The following GRID2 variants were observed in gnomAD, a reference collection of about 807,000 sequenced individuals.
GRID2 encodes glutamate receptor ionotropic, delta-2.
A neutral mutation model predicts 114.8 loss-of-function variants in GRID2; 33 were observed. The ratio of observed to expected loss-of-function variants is 0.29; its 90% CI spans 0.22 to 0.38. The LOEUF (loss-of-function observed/expected upper bound fraction) is 0.38. Among genes scored for constraint, GRID2 ranks in the 10% least tolerant of loss-of-function variants. GRID2 has a pLI of 1.00. For synonymous variants in GRID2, 505 were observed against 449.9 expected, an observed-to-expected ratio of 1.12 and a Z score of -1.55; for missense variants, 1,184 against 1,257.7, an observed-to-expected ratio of 0.94 and a Z score of 0.89.
intron 2 of GRID2, among the ~76,000 whole-genome samples, chr4:92,931,109 TA>T (rs35197316): frequency 6.6e-6 from 1 of 150,504 alleles, no homozygotes; most frequent in Non-Finnish European, 1.5e-5. Context: ...TTAAAATCCT[TA>T]AAAAAATTCC....
chr4:92,518,152 T>TC (rs1457643424), intron 1 of GRID2, among the ~76,000 whole-genome samples: 1 of 151,610 alleles, frequency 6.6e-6, no homozygotes, highest in Non-Finnish European at 1.5e-5. Context: ...CTACTCTTCA[T>TC]CCCCCTTTTT....
At chr4:92,540,269 C>T (rs11933641) in intron 1 of GRID2, among the ~76,000 whole-genome samples, 67,499 of 151,892 alleles carry the variant, frequency 0.44, 15,137 homozygotes, top group Middle Eastern at 0.56. Flanking sequence ...CCAAAAGCAA[C>T]GGCAACAAAA....
chr4:92,514,157 T>A (rs1009485810), intron 1 of GRID2, among the ~76,000 whole-genome samples: 1 of 151,902 alleles, frequency 6.6e-6, no homozygotes, highest in Non-Finnish European at 1.5e-5. Flanking sequence ...GTTTTACCCA[T>A]AACAGCCTTA....
chr4:92,515,674 A>G (rs1271068346), intron 1 of GRID2, among the ~76,000 whole-genome samples: 1 of 151,918 alleles, frequency 6.6e-6, no homozygotes, highest in Non-Finnish European at 1.5e-5. Context: ...GTAGAAGTAT[A>G]TTCACACAAA....
chr4:92,794,737 A>G (rs1739766561), intron 2 of GRID2, among the ~76,000 whole-genome samples: 1 of 151,490 alleles, frequency 6.6e-6, no homozygotes, highest in African/African-American at 2.4e-5. Context: ...GAACAACATA[A>G]GGTCTAGGGG....
At chr4:93,265,170 CTATT>C (rs1033307947) in intron 8 of GRID2, among the ~76,000 whole-genome samples, 6 of 151,946 alleles carry the variant, frequency 3.9e-5, no homozygotes, top group Non-Finnish European at 7.4e-5. Flanking sequence ...CCTCATGAAA[CTATT>C]TAAAGCTCAT....
chr4:93,744,918 A>G (rs1054881563), intron 14 of GRID2, among the ~76,000 whole-genome samples: 1 of 152,200 alleles, frequency 6.6e-6, no homozygotes, highest in Non-Finnish European at 1.5e-5. Context: ...ATGCTTGGGC[A>G]AGACTCTCCA....
chr4:93,533,199 C>T (rs1415717349), intron 13 of GRID2, among the ~76,000 whole-genome samples: 1 of 151,752 alleles, frequency 6.6e-6, no homozygotes, highest in Non-Finnish European at 1.5e-5. Context: ...TCTCTTACAC[C>T]TCATGTCTAA....
chr4:93,319,005 A>G (rs111266437), intron 8 of GRID2: 3 of 152,158 alleles, frequency 2.0e-5, no homozygotes, highest in Non-Finnish European at 4.4e-5. Context: ...ACAGATTTCC[A>G]TCATGTAAAT....
intron 8 of GRID2, among the ~76,000 whole-genome samples, chr4:93,333,621 A>G (rs1024470295): frequency 2.6e-5 from 4 of 152,238 alleles, no homozygotes; most frequent in Admixed American, 2.0e-4. Context: ...CACTGGGATG[A>G]GCAAATCAAA....
At chr4:92,820,320 T>C (rs909644487) in intron 2 of GRID2, among the ~76,000 whole-genome samples, 2 of 152,188 alleles carry the variant, frequency 1.3e-5, no homozygotes, top group African/African-American at 4.8e-5. Context: ...TGCAATGCTG[T>C]GAACTCGATG....
intron 2 of GRID2, among the ~76,000 whole-genome samples, chr4:92,654,278 C>G (rs180827463): frequency 2.6e-5 from 4 of 152,120 alleles, no homozygotes; most frequent in Admixed American, 6.6e-5. Context: ...CTCTTCCTCC[C>G]TTAAGAAGGC....
chr4:92,672,064 A>AT (rs1315836944), intron 2 of GRID2, among the ~76,000 whole-genome samples: 2 of 152,130 alleles, frequency 1.3e-5, no homozygotes, highest in African/African-American at 2.4e-5. Flanking sequence ...TTTTAATATT[A>AT]TATCATAAAA....
intron 2 of GRID2, among the ~76,000 whole-genome samples, chr4:92,867,592 T>C (rs1203367720): frequency 6.6e-6 from 1 of 152,128 alleles, no homozygotes; most frequent in Non-Finnish European, 1.5e-5. Context: ...ATTTTTTTTT[T>C]TTTTTGCATG....
At chr4:93,518,305 T>C (rs553988376) in intron 13 of GRID2, among the ~76,000 whole-genome samples, 4 of 152,044 alleles carry the variant, frequency 2.6e-5, no homozygotes, top group African/African-American at 9.6e-5. Flanking sequence ...AAGAAATCTG[T>C]GTAAATGAGC....
intron 1 of GRID2, among the ~76,000 whole-genome samples, chr4:92,331,292 G>C (rs1235780842): frequency 1.3e-5 from 2 of 152,174 alleles, no homozygotes; most frequent in Non-Finnish European, 2.9e-5. Flanking sequence ...ACCACAAAAA[G>C]TGCCAGTGGA....
intron 1 of GRID2, among the ~76,000 whole-genome samples, chr4:92,396,435 G>T (rs1730495466): frequency 1.3e-5 from 2 of 151,742 alleles, no homozygotes; most frequent in Non-Finnish European, 2.9e-5. Context: ...TTATATACAT[G>T]GCCTAATGAT....
chr4:92,924,312 A>G (rs1749627568), intron 2 of GRID2, among the ~76,000 whole-genome samples: 1 of 152,074 alleles, frequency 6.6e-6, no homozygotes, highest in African/African-American at 2.4e-5. Context: ...TGACGAGTTA[A>G]TGGGTTCAGC....
At chr4:93,303,397 G>A (rs539919501) in intron 8 of GRID2, among the ~76,000 whole-genome samples, 1 of 152,296 alleles carries the variant, frequency 6.6e-6, no homozygotes, top group African/African-American at 2.4e-5. Flanking sequence ...GATAGAGAGA[G>A]AACTTCCCCT....
Sources: allele counts gnomAD v4.1 joint callset (sites outside exome capture counted in the v4.1 genomes callset), GRCh38; gene constraint gnomAD v4.1.1; transcripts MANE v1.5; gene names NCBI Gene and HGNC (gene_info 2026-07-23, HGNC 2026-07-21).